SDHAF3: variants seen among roughly 807,000 people sequenced by gnomAD.
The protein encoded by SDHAF3 is succinate dehydrogenase assembly factor 3, mitochondrial.
A neutral mutation model predicts 11.5 loss-of-function variants in SDHAF3; 18 were observed. That is an observed-to-expected ratio of 1.56 (90% CI 1.08 to 2.32). The LOEUF is 2.32. Among genes scored for constraint, SDHAF3 ranks in the 30% most tolerant of loss-of-function variants. The pLI is 0.00. For synonymous variants in SDHAF3, 72 were observed against 59.3 expected (o/e 1.21, Z -0.99); for missense variants, 200 against 154.4 (o/e 1.30, Z -1.57).
chr7:97,167,044 A>T (rs1584231751), intron 1 of SDHAF3, among the ~76,000 whole-genome samples: 2 of 147,688 alleles, frequency 1.4e-5, no homozygotes, highest in African/African-American at 5.0e-5. Flanking sequence ...ACTTTCAGTG[A>T]TTTTTTTTTT....
chr7:97,176,399 G>A (rs1789680178), intron 1 of SDHAF3, among the ~76,000 whole-genome samples: 1 of 152,184 alleles, frequency 6.6e-6, no homozygotes, highest in Non-Finnish European at 1.5e-5. Flanking sequence ...TGAAACCAAA[G>A]GATGCTGTTA....
chr7:97,158,727 A>C (rs967518866), intron 1 of SDHAF3, among the ~76,000 whole-genome samples: 2 of 152,252 alleles, frequency 1.3e-5, no homozygotes, highest in Admixed American at 1.3e-4. Context: ...TCACTATAAG[A>C]AACCCAGTGT....
chr7:97,153,027 AG>A (rs1240417244), intron 1 of SDHAF3, among the ~76,000 whole-genome samples: 2 of 152,226 alleles, frequency 1.3e-5, no homozygotes, highest in African/African-American at 4.8e-5. Context: ...CTAGTCTCCA[AG>A]CAAGGAGGAT....
chr7:97,131,835 T>TG (rs1791675484), intron 1 of SDHAF3, among the ~76,000 whole-genome samples: 2 of 152,180 alleles, frequency 1.3e-5, no homozygotes, highest in African/African-American at 4.8e-5. Flanking sequence ...ATTGCTGTGT[T>TG]GCATATCTAT....
rs1185627831 is a variant in SDHAF3 at position 97,181,522 on chromosome 7, T to C, written c.*307T>C. 1 of 206,990 alleles carries C rather than the reference T, an allele frequency of 4.8e-6. No individual in the cohort carries two copies. The highest frequency in any genetic ancestry group is 5.3e-5 in the Admixed American group (1 of 18,926). 12.8% of individuals were successfully genotyped at this position (206,990 alleles called of 1,614,324 possible). ...ATTAGTCTTCTGGCTTTTCTTTAGCTTCATCAAATAAGCATGTTGTGATAA... is the reference window on the plus strand; with the variant it reads ...ATTAGTCTTCTGGCTTTTCTTTAGCCTCATCAAATAAGCATGTTGTGATAA... On this transcript the variant is annotated 3_prime_UTR_variant, in exon 2 of 2. Transcript: ENST00000432641.
At chr7:97,168,064 A>C (rs1789541534) in intron 1 of SDHAF3, among the ~76,000 whole-genome samples, 1 of 152,140 alleles carries the variant, frequency 6.6e-6, no homozygotes, top group South Asian at 2.1e-4. Flanking sequence ...TGGTCTCTTC[A>C]GCTTATGTGT....
At chr7:97,152,178 T>C (rs79631175) in intron 1 of SDHAF3, among the ~76,000 whole-genome samples, 2,461 of 152,238 alleles carry the variant, frequency 0.016, 50 homozygotes, top group African/African-American at 0.052. Flanking sequence ...TAACCCCCAA[T>C]GGGTTCTACT....
At chr7:97,143,148 C>T (rs1399467470) in intron 1 of SDHAF3, among the ~76,000 whole-genome samples, 1 of 151,812 alleles carries the variant, frequency 6.6e-6, no homozygotes, top group East Asian at 1.9e-4. Context: ...CACCCACCTC[C>T]ACCTCCCAAA....
intron 1 of SDHAF3, among the ~76,000 whole-genome samples, chr7:97,122,786 T>C (rs1791521357): frequency 6.6e-6 from 1 of 152,164 alleles, no homozygotes; most frequent in Non-Finnish European, 1.5e-5. Context: ...TGGAAGTTAT[T>C]ACCTGTAGTT....
chr7:97,169,627 A>G (rs1789573544), intron 1 of SDHAF3, among the ~76,000 whole-genome samples: 1 of 152,090 alleles, frequency 6.6e-6, no homozygotes, highest in Admixed American at 6.5e-5. Flanking sequence ...TTTAGTTTAT[A>G]TAATTTTTTT....
rs972594663 is a variant in SDHAF3, at chr7:97,181,363, A to C, written c.*148A>C. On this transcript the variant is annotated 3_prime_UTR_variant, in exon 2 of 2. Transcript: ENST00000432641. The stretch of plus-strand genomic sequence containing the variant: ...TGGATATTATGATTGCAGTATATGG[A>C]TCAAGATCACTAGTGACAATTGAAA... 5 of 585,974 alleles carry C rather than the reference A, an allele frequency of 8.5e-6. No homozygotes were observed. The highest frequency in any genetic ancestry group is 1.5e-5 in the Non-Finnish European group (5 of 343,612). The allele number at this position is 585,974 out of a possible 1,614,324, so 36.3% of individuals were successfully genotyped here.
chr7:97,163,168 C>CTTTTTT (rs58956333), intron 1 of SDHAF3, among the ~76,000 whole-genome samples: 1 of 125,026 alleles, frequency 8.0e-6, no homozygotes, highest in Non-Finnish European at 1.6e-5. Flanking sequence ...GTTTAAAGTC[C>CTTTTTT]TTTTTTTTTT....
At chr7:97,141,633 A>G (rs1789044104) in intron 1 of SDHAF3, among the ~76,000 whole-genome samples, 1 of 152,074 alleles carries the variant, frequency 6.6e-6, no homozygotes, top group South Asian at 2.1e-4. Flanking sequence ...TGCTCTACTG[A>G]CTAGCGCCTG....
intron 1 of SDHAF3, among the ~76,000 whole-genome samples, chr7:97,120,695 T>C (rs556051610): frequency 1.3e-5 from 2 of 152,292 alleles, no homozygotes; most frequent in Admixed American, 6.5e-5. Context: ...ATGTAGAGTC[T>C]GGTCTACACG....
intron 1 of SDHAF3, among the ~76,000 whole-genome samples, chr7:97,162,719 C>T (rs1440775814): frequency 2.0e-5 from 3 of 152,160 alleles, no homozygotes; most frequent in Non-Finnish European, 2.9e-5. Context: ...TTTCTTAATC[C>T]TCAGTTCTAA....
chr7:97,139,291 A>C (rs555918717), intron 1 of SDHAF3, among the ~76,000 whole-genome samples: 1 of 152,164 alleles, frequency 6.6e-6, no homozygotes, highest in Non-Finnish European at 1.5e-5. Flanking sequence ...GTGGTCCCCC[A>C]CCTGAAGGTG....
At chr7:97,180,442 C>T (rs943694598) in intron 1 of SDHAF3, among the ~76,000 whole-genome samples, 1 of 152,130 alleles carries the variant, frequency 6.6e-6, no homozygotes, top group African/African-American at 2.4e-5. Context: ...CAGCTGACAG[C>T]ATGGACTACT....
chr7:97,131,723 G>T (rs1005043537), intron 1 of SDHAF3, among the ~76,000 whole-genome samples: 1 of 152,084 alleles, frequency 6.6e-6, no homozygotes, highest in Non-Finnish European at 1.5e-5. Context: ...AATATGAAAA[G>T]AACTTATTTA....
Position 97,141,115 on chromosome 7 carries a change from C to T in SDHAF3, c.174+23218C>T, listed in dbSNP as rs113490242. ...TAAGCCCCGGTCTCCCATAGCACTCCCAGGCTTATTAGGACGAGGAAATTC... is the reference window on the plus strand; with the variant it reads ...TAAGCCCCGGTCTCCCATAGCACTCTCAGGCTTATTAGGACGAGGAAATTC... On this transcript the variant is annotated intron_variant, in intron 1 of 1. Transcript: ENST00000432641. Among the ~76,000 whole-genome samples the T allele has an allele frequency of 2.3e-3, 353 of 152,294 alleles. 3 individuals are homozygous for T. Among genetic ancestry groups the T allele is most frequent in the South Asian group, 0.023 (109 of 4,822 alleles).
Sources: allele counts gnomAD v4.1 joint callset (sites outside exome capture counted in the v4.1 genomes callset), GRCh38; gene constraint gnomAD v4.1.1; transcripts MANE v1.5; gene names NCBI Gene and HGNC (gene_info 2026-07-23, HGNC 2026-07-21).